The following CLIC4 variants were observed in gnomAD, a reference collection of about 807,000 sequenced individuals.
The protein encoded by CLIC4 is chloride intracellular channel protein 4.
CLIC4 carries 13 observed loss-of-function variants against 24.6 expected under a neutral mutation model. That is an observed-to-expected ratio of 0.53 (90% CI 0.34 to 0.84). CLIC4 has a LOEUF of 0.84. Among genes scored for constraint, CLIC4 ranks in the 40% least tolerant of loss-of-function variants. The probability of loss-of-function intolerance (pLI) is 0.01; values close to 1 mark genes in which losing one functional copy is unlikely to be tolerated. For synonymous variants in CLIC4, 104 were observed against 111.3 expected (o/e 0.93, Z 0.41); for missense variants, 227 against 301.7 (o/e 0.75, Z 1.83).
chr1:24,814,908 C>T (rs1639653219), intron 3 of CLIC4, among the ~76,000 whole-genome samples: 1 of 152,138 alleles, frequency 6.6e-6, no homozygotes, highest in South Asian at 2.1e-4. Context: ...ACCTTTCTTA[C>T]TGGTTAACTT....
At chr1:24,752,680 T>C (rs1638791481) in intron 1 of CLIC4, among the ~76,000 whole-genome samples, 1 of 152,228 alleles carries the variant, frequency 6.6e-6, no homozygotes, top group African/African-American at 2.4e-5. Flanking sequence ...GGAAGAGTGC[T>C]TGACACATAG....
chr1:24,764,984 C>T (rs1638976123), intron 1 of CLIC4, among the ~76,000 whole-genome samples: 1 of 152,094 alleles, frequency 6.6e-6, no homozygotes, highest in South Asian at 2.1e-4. Context: ...CCTCAGGTGT[C>T]AGTAATGAAT....
In CLIC4 at chr1:24,823,149, G is replaced by A. The variant is rs149223769; in HGVS notation, c.309-3861G>A. 7.8e-4 allele frequency among the ~76,000 whole-genome samples: 119 copies of A among 152,290 alleles called. 1 individual carries two copies. The highest frequency in any genetic ancestry group is 3.8e-4 in the Non-Finnish European group (26 of 68,016). On this transcript the variant is annotated intron_variant, in intron 3 of 5. Coordinates refer to ENST00000374379, the MANE Select transcript of CLIC4 (RefSeq NM_013943.3). ...TGTGAACACTTCCTGATTTAATCATGACAAATATAAATACAGGCAATTGTC... is the reference window on the plus strand; with the variant it reads ...TGTGAACACTTCCTGATTTAATCATAACAAATATAAATACAGGCAATTGTC...
intron 1 of CLIC4, among the ~76,000 whole-genome samples, chr1:24,791,915 G>C (rs1286213692): frequency 2.0e-5 from 3 of 150,914 alleles, no homozygotes; most frequent in Non-Finnish European, 4.4e-5. Flanking sequence ...CAGCCATGGT[G>C]GTGGGCGCCT....
At chr1:24,788,722 TCTC>T (rs1639300904) in intron 1 of CLIC4, among the ~76,000 whole-genome samples, 1 of 152,236 alleles carries the variant, frequency 6.6e-6, no homozygotes, top group African/African-American at 2.4e-5. Context: ...CTGAGAGACT[TCTC>T]CTTCTGGGAA....
At chr1:24,839,053 T>C (rs2124178647) in intron 4 of CLIC4, among the ~76,000 whole-genome samples, 1 of 152,330 alleles carries the variant, frequency 6.6e-6, no homozygotes, top group South Asian at 2.1e-4. Flanking sequence ...CTGTGAATTA[T>C]AAGACAGTTT....
At chr1:24,805,664 A>G (rs967258810) in intron 2 of CLIC4, among the ~76,000 whole-genome samples, 2 of 152,166 alleles carry the variant, frequency 1.3e-5, no homozygotes, top group African/African-American at 4.8e-5. Flanking sequence ...TCGTTGGGCA[A>G]GTCAACTTGT....
chr1:24,841,012 G>A lies in CLIC4; in HGVS notation c.*75G>A, dbSNP rs1362143822. The stretch of plus-strand genomic sequence containing the variant: ...TTTTCCTAACAGGCTACTCCTTCCT[G>A]TAGAGCAGAAATTGTATTTTGCACG... On this transcript the variant is annotated 3_prime_UTR_variant, in exon 6 of 6. Coordinates refer to ENST00000374379, the MANE Select transcript of CLIC4 (RefSeq NM_013943.3). 2 of 1,283,540 alleles carry A rather than the reference G, an allele frequency of 1.6e-6. No individual in the cohort carries two copies. Among genetic ancestry groups the A allele is most frequent in the African/African-American group, 1.5e-5 (1 of 66,326 alleles). 79.5% of individuals were successfully genotyped at this position (1,283,540 alleles called of 1,614,324 possible).
intron 1 of CLIC4, among the ~76,000 whole-genome samples, chr1:24,782,019 A>T (rs979908456): frequency 6.6e-6 from 1 of 152,194 alleles, no homozygotes; most frequent in African/African-American, 2.4e-5. Flanking sequence ...CTATTATGTT[A>T]GGTAATTGAT....
chr1:24,765,010 C>T (rs776906284), intron 1 of CLIC4, among the ~76,000 whole-genome samples: 1 of 152,148 alleles, frequency 6.6e-6, no homozygotes, highest in Admixed American at 6.5e-5. Context: ...ATAAGGAAGG[C>T]GTACTATACA....
chr1:24,748,991 G>T (rs555110140), intron 1 of CLIC4, among the ~76,000 whole-genome samples: 3 of 152,240 alleles, frequency 2.0e-5, no homozygotes, highest in East Asian at 1.9e-4. Flanking sequence ...GGAGGCGGAG[G>T]GGGGTGGATC....
Position 24,816,230 on chromosome 1 carries a change from T to C in CLIC4, c.308+2011T>C, listed in dbSNP as rs1054918547. Among the ~76,000 whole-genome samples, 3 of 127,154 alleles carry C rather than the reference T, an allele frequency of 2.4e-5. No homozygotes were observed. In the Admixed American group the frequency reaches 3.0e-4, roughly 13 times the overall value. 83.4% of individuals were successfully genotyped at this position (127,154 alleles called of 152,430 possible). ...ACCTCCTCCCATGAATCATGAATGT[T>C]CGTGTTTTTTTTTTTTTTTTTTTTT... On this transcript the variant is annotated intron_variant, in intron 3 of 5. Coordinates refer to ENST00000374379, the MANE Select transcript of CLIC4 (RefSeq NM_013943.3).
intron 2 of CLIC4, among the ~76,000 whole-genome samples, chr1:24,798,943 A>G (rs1413495880): frequency 6.6e-6 from 1 of 152,248 alleles, no homozygotes; most frequent in Non-Finnish European, 1.5e-5. Context: ...TGGTTCACTC[A>G]GTGCTCAATG....
chr1:24,814,931 C>G (rs1165124707), intron 3 of CLIC4, among the ~76,000 whole-genome samples: 1 of 152,126 alleles, frequency 6.6e-6, no homozygotes, highest in African/African-American at 2.4e-5. Context: ...CTGTTGCCCT[C>G]CATGTCCAGA....
At chr1:24,769,420 A>G (rs868051841) in intron 1 of CLIC4, among the ~76,000 whole-genome samples, 53 of 152,338 alleles carry the variant, frequency 3.5e-4, no homozygotes, top group East Asian at 2.1e-3. Flanking sequence ...AATAGGTGCT[A>G]TCAATACTGT....
At chr1:24,827,229 G>A in intron 4 of CLIC4, 113 bp downstream of exon 4, 1 of 654,408 alleles carries the variant, frequency 1.5e-6, no homozygotes, top group Non-Finnish European at 2.6e-6. Context: ...ATTCCCATAA[G>A]TAATAAAAAC....
intron 1 of CLIC4, among the ~76,000 whole-genome samples, chr1:24,748,995 G>C (rs1341557027): frequency 1.3e-5 from 2 of 152,056 alleles, no homozygotes; most frequent in Non-Finnish European, 2.9e-5. Context: ...GCGGAGGGGG[G>C]TGGATCACTT....
In CLIC4 at chr1:24,841,007, T is replaced by G. The variant is rs1639936807; in HGVS notation, c.*70T>G. Reference sequence around the variant, plus strand: ...TACGCTTTTCCTAACAGGCTACTCCTTCCTGTAGAGCAGAAATTGTATTTT... The same window carrying G: ...TACGCTTTTCCTAACAGGCTACTCCGTCCTGTAGAGCAGAAATTGTATTTT... On this transcript the variant is annotated 3_prime_UTR_variant, in exon 6 of 6. Coordinates refer to ENST00000374379, the MANE Select transcript of CLIC4 (RefSeq NM_013943.3). The G allele has an allele frequency of 1.5e-6, 2 of 1,311,556 alleles. No homozygotes were observed. The allele number at this position is 1,311,556 out of a possible 1,614,324, so 81.2% of individuals were successfully genotyped here. A position where few individuals can be genotyped will look rare whatever the true frequency, so the allele number is the denominator to read the frequency against.
intron 1 of CLIC4, among the ~76,000 whole-genome samples, chr1:24,771,123 G>A (rs1639066052): frequency 6.6e-6 from 1 of 152,130 alleles, no homozygotes; most frequent in South Asian, 2.1e-4. Flanking sequence ...TGCTTCTGAA[G>A]AGAAGAACTA....
Sources: gnomAD v4.1 joint callset for allele counts (sites outside exome capture counted in the v4.1 genomes callset) on GRCh38, gnomAD v4.1.1 for gene constraint, MANE v1.5 for transcripts, NCBI Gene and HGNC (gene_info 2026-07-23, HGNC 2026-07-21) for gene names.